WASHC4: variants seen among roughly 807,000 people sequenced by gnomAD.
WASHC4 encodes the protein WASH complex subunit 4.
In WASHC4, 86 loss-of-function variants were observed where a neutral mutation model predicts 166.6. The ratio of observed to expected loss-of-function variants is 0.52; its 90% CI spans 0.43 to 0.62. The LOEUF (loss-of-function observed/expected upper bound fraction) is 0.62. Ranked by LOEUF, WASHC4 falls within the 20% of genes least tolerant of loss-of-function variation. The pLI is 0.00. For synonymous variants in WASHC4, 446 were observed against 451.6 expected, an observed-to-expected ratio of 0.99 and a Z score of 0.16; for missense variants, 1,262 against 1,382.4, an observed-to-expected ratio of 0.91 and a Z score of 1.38.
At chr12:105,116,833 G>A (rs1333970234) in intron 6 of WASHC4, among the ~76,000 whole-genome samples, 1 of 152,192 alleles carries the variant, frequency 6.6e-6, no homozygotes, top group East Asian at 1.9e-4. Context: ...AAAGGAAACA[G>A]ATACCTCCTT....
chr12:105,162,379 G>C (rs569696904), intron 29 of WASHC4, among the ~76,000 whole-genome samples: 17 of 152,278 alleles, frequency 1.1e-4, no homozygotes, highest in Non-Finnish European at 2.2e-4. Flanking sequence ...GCTAACTCCA[G>C]CATTCACTTA....
At chr12:105,132,616 T>G (rs1161091143) in intron 13 of WASHC4, among the ~76,000 whole-genome samples, 1 of 152,158 alleles carries the variant, frequency 6.6e-6, no homozygotes, top group Non-Finnish European at 1.5e-5. Flanking sequence ...AGAATTACAT[T>G]TTGTATTGCC....
intron 24 of WASHC4, chr12:105,148,921 ACTTT>A (rs780975644): frequency 7.2e-4 from 713 of 985,208 alleles, no homozygotes; most frequent in Middle Eastern, 2.1e-3. Context: ...CTCATACCTC[ACTTT>A]CTTAGGATTT....
chr12:105,118,104 GC>G (rs1565995249), intron 6 of WASHC4, among the ~76,000 whole-genome samples: 1 of 152,190 alleles, frequency 6.6e-6, no homozygotes, highest in Non-Finnish European at 1.5e-5. Context: ...TTATTGAGAA[GC>G]AGTTGAGTGT....
intron 26 of WASHC4, among the ~76,000 whole-genome samples, chr12:105,155,525 A>G (rs1283962764): frequency 1.3e-5 from 2 of 151,224 alleles, no homozygotes; most frequent in African/African-American, 4.9e-5. Context: ...GTGGAAAGCC[A>G]TTACAGCATT....
At chr12:105,149,974 T>G (rs1435237864) in intron 25 of WASHC4, among the ~76,000 whole-genome samples, 2 of 152,212 alleles carry the variant, frequency 1.3e-5, no homozygotes, top group East Asian at 3.8e-4. Context: ...AAGCAGGACA[T>G]GCTTATTTTG....
At chr12:105,150,061 G>C (rs1228602813) in intron 25 of WASHC4, among the ~76,000 whole-genome samples, 2 of 152,272 alleles carry the variant, frequency 1.3e-5, no homozygotes, top group South Asian at 4.1e-4. Flanking sequence ...TCTGGAGGCA[G>C]TTGCTAACAA....
rs577165401 is a variant in WASHC4 at position 105,147,916 on chromosome 12, AAAC to A, written c.2514+773_2514+775del. ...GCGAAACTCCATCTCAAAAAAAAAA[AAAC>A]AAACAAAAACGAAATGGGCATTCAC... On this transcript the variant is annotated intron_variant, in intron 24 of 32. Coordinates refer to ENST00000332180, the MANE Select transcript of WASHC4 (RefSeq NM_015275.3). 4.6e-5 allele frequency: 45 copies of A among 985,010 alleles called. No homozygotes were observed. In the East Asian group the frequency reaches 2.3e-3, roughly 50 times the overall value. The allele number at this position is 985,010 out of a possible 1,614,324, so 61.0% of individuals were successfully genotyped here.
chr12:105,108,657 C>A (rs1469645787), intron 1 of WASHC4, among the ~76,000 whole-genome samples: 1 of 152,020 alleles, frequency 6.6e-6, no homozygotes, highest in Non-Finnish European at 1.5e-5. Flanking sequence ...GAAATAAATA[C>A]AAGTTGGCAA....
chr12:105,129,184 T>C (rs1414328341), intron 13 of WASHC4, among the ~76,000 whole-genome samples: 1 of 152,092 alleles, frequency 6.6e-6, no homozygotes, highest in East Asian at 1.9e-4. Context: ...GACCTTGTGA[T>C]CTGCCTGCTT....
rs890755640 is a variant in WASHC4, at chr12:105,164,042, T to C, written c.3158-69T>C. On this transcript the variant is annotated intron_variant, in intron 30 of 32. Transcript: ENST00000332180. ...TCAGAATGCTTAGTGTTGGGAATTA[T>C]TGGTGAAGGAGTAGAATACCACTTC... The C allele has an allele frequency of 4.6e-5, 61 of 1,336,178 alleles. 1 individual carries two copies. In the South Asian group the frequency reaches 5.6e-4, roughly 12 times the overall value. The allele number at this position is 1,336,178 out of a possible 1,614,324, so 82.8% of individuals were successfully genotyped here.
At position 105,121,204 on chromosome 12, in the gene WASHC4, G is replaced by A. The variant is rs746948730; in HGVS notation, c.665G>A (p.Arg222Lys). The stretch of plus-strand genomic sequence containing the variant: ...AAAGACCACTGGACTATGTACAAAA[G>A]GTACACCAATTAAAATATTTTAAAA... ...TLKDHWTMYK[R>K]LLKSVHHNPS... The change falls in exon 9 of 33, where the codon AGG (arginine) becomes AAG (lysine). Residue 222 changes from arginine (R) to lysine (K), a missense_variant and splice_region_variant. Physicochemically the swap from Arg to Lys is conservative, Grantham distance 26 (BLOSUM62 2). Coordinates refer to ENST00000332180, the MANE Select transcript of WASHC4 (RefSeq NM_015275.3). The A allele has an allele frequency of 6.7e-7, 1 of 1,492,142 alleles. No individual in the cohort carries two copies. The allele number at this position is 1,492,142 out of a possible 1,614,324, so 92.4% of individuals were successfully genotyped here. A position where few individuals can be genotyped will look rare whatever the true frequency, so the allele number is the denominator to read the frequency against.
In WASHC4 at chr12:105,139,415, A is replaced by ATGTGTGTGTGTGTGTGTGTG. The variant is rs144001458; in HGVS notation, c.1453-868_1453-867insGTGTGTGTGTGTGTGTGTGT. Reference sequence around the variant, plus strand: ...TTGTCTCTATAGACAGACTATATATATGTGTGTGTGTATATATATATATAT... The same window carrying ATGTGTGTGTGTGTGTGTGTG: ...TTGTCTCTATAGACAGACTATATATATGTGTGTGTGTGTGTGTGTGTGTGTGTGTGTATATATATATATAT... On this transcript the variant is annotated intron_variant, in intron 15 of 32. Coordinates refer to ENST00000332180, the MANE Select transcript of WASHC4 (RefSeq NM_015275.3). 3.8e-3 allele frequency among the ~76,000 whole-genome samples: 362 copies of ATGTGTGTGTGTGTGTGTGTG among 94,370 alleles called. 2 individuals are homozygous for ATGTGTGTGTGTGTGTGTGTG. Among genetic ancestry groups the ATGTGTGTGTGTGTGTGTGTG allele is most frequent in the African/African-American group, 0.014 (324 of 22,836 alleles). The allele number at this position is 94,370 out of a possible 152,430, so 61.9% of individuals were successfully genotyped here.
chr12:105,159,188 A>G (rs1264945293), intron 28 of WASHC4, among the ~76,000 whole-genome samples: 1 of 152,224 alleles, frequency 6.6e-6, no homozygotes, highest in Non-Finnish European at 1.5e-5. Context: ...TCACTCCGAA[A>G]GTGTTGACCA....
At chr12:105,149,522 A>G in intron 24 of WASHC4, 93 bp from the exon 25 acceptor site, 2 of 1,067,250 alleles carry the variant, frequency 1.9e-6, no homozygotes, top group Non-Finnish European at 2.7e-6. Flanking sequence ...GGTAGTACAA[A>G]TAGATAACTG....
intron 15 of WASHC4, among the ~76,000 whole-genome samples, chr12:105,139,413 A>ATGTGTGTGTGTG (rs1374833618): frequency 4.3e-5 from 3 of 69,322 alleles, no homozygotes; most frequent in Admixed American, 1.8e-4. Context: ...CAGACTATAT[A>ATGTGTGTGTGTG]TATGTGTGTG....
Position 105,122,251 on chromosome 12 carries a change from G to A in WASHC4, c.786+13G>A, listed in dbSNP as rs764754096. 2 of 1,610,616 alleles carry A rather than the reference G, an allele frequency of 1.2e-6. No homozygotes were observed. The highest frequency in any genetic ancestry group is 2.2e-5 in the South Asian group (2 of 91,040). On this transcript the variant is annotated intron_variant, in intron 10 of 32. Coordinates refer to ENST00000332180, the MANE Select transcript of WASHC4 (RefSeq NM_015275.3). Reference sequence around the variant, plus strand: ...AATGATATTCCAGGTAAGTAGGTCTGTATCAGACTGTAACAGTGGGGCTCA... The same window carrying A: ...AATGATATTCCAGGTAAGTAGGTCTATATCAGACTGTAACAGTGGGGCTCA...
intron 29 of WASHC4, among the ~76,000 whole-genome samples, chr12:105,161,522 A>G (rs1003106969): frequency 2.6e-5 from 4 of 152,212 alleles, no homozygotes; most frequent in African/African-American, 7.2e-5. Flanking sequence ...AAGCTTAGGA[A>G]AAAGTCTGGA....
intron 32 of WASHC4, among the ~76,000 whole-genome samples, chr12:105,166,516 T>G (rs1424712815): frequency 6.6e-6 from 1 of 152,100 alleles, no homozygotes; most frequent in East Asian, 1.9e-4. Context: ...TTGGCCCAGC[T>G]GGAGGAACTG....
Sources: gnomAD v4.1 joint callset for allele counts (sites outside exome capture counted in the v4.1 genomes callset) on GRCh38, gnomAD v4.1.1 for gene constraint, MANE v1.5 for transcripts, NCBI Gene and HGNC (gene_info 2026-07-23, HGNC 2026-07-21) for gene names.